NBEAL1: variants seen among roughly 807,000 people sequenced by gnomAD.
NBEAL1 encodes the protein neurobeachin like 1.
NBEAL1 carries 273 observed loss-of-function variants against 351.3 expected under a neutral mutation model. That is an observed-to-expected ratio of 0.78 (90% confidence interval 0.70 to 0.86). The LOEUF (loss-of-function observed/expected upper bound fraction) is 0.86. Ranked by LOEUF, NBEAL1 falls within the 40% of genes least tolerant of loss-of-function variation. The pLI is 0.00. For missense variants in NBEAL1, 2,961 were observed against 3,201.3 expected, an observed-to-expected ratio of 0.92 and a Z score of 1.81; for synonymous variants, 1,050 against 1,086.4, an observed-to-expected ratio of 0.97 and a Z score of 0.66.
rs989024010 is a variant in NBEAL1, at chr2:203,136,456, C to T, written c.4390-143C>T. ...CTAATGTCTTACTCATCTTATGTCT[C>T]TAGGGCCTAGTAAAGTTCCAGGTTC... On this transcript the variant is annotated intron_variant, in intron 28 of 55. Coordinates refer to ENST00000683969, the MANE Select transcript of NBEAL1 (RefSeq NM_001378026.1). The T allele has an allele frequency of 1.3e-5, 10 of 750,628 alleles. No homozygotes were observed. The African/African-American group carries it at 1.8e-4, about 13-fold the overall frequency. 46.5% of individuals were successfully genotyped at this position (750,628 alleles called of 1,614,324 possible).
At chr2:203,115,254 G>A (rs2062665085) in intron 17 of NBEAL1, among the ~76,000 whole-genome samples, 1 of 151,088 alleles carries the variant, frequency 6.6e-6, no homozygotes, top group Admixed American at 6.6e-5. Flanking sequence ...CCGAGTAGCT[G>A]GGATTACAGG....
intron 10 of NBEAL1, among the ~76,000 whole-genome samples, chr2:203,091,381 T>C (rs1472958414): frequency 6.6e-6 from 1 of 152,242 alleles, no homozygotes; most frequent in Non-Finnish European, 1.5e-5. Flanking sequence ...TATTCATCCA[T>C]CAGTGGACAT....
intron 3 of NBEAL1, among the ~76,000 whole-genome samples, chr2:203,042,542 G>C: frequency 6.6e-6 from 1 of 151,444 alleles, no homozygotes; most frequent in Non-Finnish European, 1.5e-5. Context: ...AAGTATAAGT[G>C]GTGGTGAGGC....
intron 31 of NBEAL1, among the ~76,000 whole-genome samples, chr2:203,141,399 C>A (rs1458509942): frequency 8.2e-3 from 22 of 2,684 alleles, no homozygotes; most frequent in African/African-American, 0.014. Flanking sequence ...TTTTTTTTTT[C>A]AGATGGAGTC....
At chr2:203,207,175 C>A (rs1044100334) in intron 51 of NBEAL1, among the ~76,000 whole-genome samples, 5 of 151,370 alleles carry the variant, frequency 3.3e-5, no homozygotes, top group African/African-American at 7.3e-5. Flanking sequence ...AGGAGCCCCT[C>A]CGCCCGGCAG....
intron 44 of NBEAL1, among the ~76,000 whole-genome samples, chr2:203,183,971 A>G (rs923853670): frequency 4.6e-5 from 7 of 151,638 alleles, no homozygotes; most frequent in Non-Finnish European, 1.0e-4. Flanking sequence ...TCAGCTACTC[A>G]GGAGGCTGAG....
At position 203,190,135 on chromosome 2, in the gene NBEAL1, CAA is replaced by C. The variant is rs879218352; in HGVS notation, c.6824-143_6824-142del. On this transcript the variant is annotated intron_variant, in intron 45 of 55. Coordinates refer to ENST00000683969, the MANE Select transcript of NBEAL1 (RefSeq NM_001378026.1). ...TGGGCAACAGAGCAAGACTCTGTCT[CAA>C]AAAAAAAAAAAAAGATGTGTGTACA... 7.0e-5 allele frequency among the ~76,000 whole-genome samples: 8 copies of C among 114,890 alleles called. 1 individual carries two copies. Among genetic ancestry groups the C allele is most frequent in the Admixed American group, 9.4e-5 (1 of 10,612 alleles). 75.4% of individuals were successfully genotyped at this position (114,890 alleles called of 152,430 possible).
At chr2:203,154,759 C>T (rs1165590623) in intron 35 of NBEAL1, among the ~76,000 whole-genome samples, 2 of 151,752 alleles carry the variant, frequency 1.3e-5, no homozygotes, top group South Asian at 2.1e-4. Context: ...GTAGTATGGG[C>T]AACATAGTGA....
chr2:203,119,300 G>A (rs1222058303), intron 18 of NBEAL1, among the ~76,000 whole-genome samples: 3 of 150,468 alleles, frequency 2.0e-5, no homozygotes, highest in Non-Finnish European at 4.4e-5. Context: ...TTGATTTTTT[G>A]TAGAGACAAG....
At chr2:203,179,675 T>G (rs2064639983) in intron 42 of NBEAL1, among the ~76,000 whole-genome samples, 1 of 152,220 alleles carries the variant, frequency 6.6e-6, no homozygotes, top group Admixed American at 6.5e-5. Context: ...CCTATAGATC[T>G]ATTAACCAAG....
intron 6 of NBEAL1, among the ~76,000 whole-genome samples, chr2:203,067,748 A>G (rs2061618087): frequency 6.6e-6 from 1 of 152,216 alleles, no homozygotes; most frequent in Non-Finnish European, 1.5e-5. Context: ...GTATCATCAT[A>G]ACACTACTCT....
intron 41 of NBEAL1, among the ~76,000 whole-genome samples, chr2:203,174,878 T>C (rs2064446078): frequency 6.6e-6 from 1 of 150,852 alleles, no homozygotes; most frequent in Admixed American, 6.6e-5. Context: ...AATAAATAAA[T>C]AAATAAATAA....
rs762846352 is a variant in NBEAL1 at position 203,136,157 on chromosome 2, T to C, written c.4294T>C (p.Ser1432Pro). 7 of 1,613,840 alleles carry C rather than the reference T, an allele frequency of 4.3e-6. No homozygotes were observed. The highest frequency in any genetic ancestry group is 1.1e-5 in the South Asian group (1 of 91,008). ...GCCTAGCACACCATCCCCAGTAGAG[T>C]CTACTAAATCGTTTTCTGTGCACTC... ...SLPSTPSPVE[S>P]TKSFSVHSDR... Residue 1432 changes from serine (S) to proline (P), a missense_variant, in exon 28 of 56, where the codon TCT (serine) becomes CCT (proline). Ser to Pro is a moderately conservative substitution (Grantham distance 74, BLOSUM62 -1). Coordinates refer to ENST00000683969, the MANE Select transcript of NBEAL1 (RefSeq NM_001378026.1).
rs934319719 is a variant in NBEAL1 at position 203,200,228 on chromosome 2, A to G, written c.7238+781A>G. Among the ~76,000 whole-genome samples, 7 of 152,130 alleles carry G rather than the reference A, an allele frequency of 4.6e-5. No homozygotes were observed. The East Asian group carries it at 1.4e-3, about 29-fold the overall frequency. ...CCCCGTCTCTACTAAAAATACAAAA[A>G]TTGGCCGGGTGTGGTGGCTCACACC... On this transcript the variant is annotated intron_variant, in intron 49 of 55. Coordinates refer to ENST00000683969, the MANE Select transcript of NBEAL1 (RefSeq NM_001378026.1).
In NBEAL1 at chr2:203,068,317, T is replaced by G; in HGVS notation, c.516-76T>G. 9.1e-6 allele frequency: 6 copies of G among 657,090 alleles called. No individual in the cohort carries two copies. In the South Asian group the frequency reaches 1.5e-4, roughly 17 times the overall value. The allele number at this position is 657,090 out of a possible 1,614,324, so 40.7% of individuals were successfully genotyped here. A position where few individuals can be genotyped will look rare whatever the true frequency, so the allele number is the denominator to read the frequency against. On this transcript the variant is annotated intron_variant, in intron 6 of 55. Transcript: ENST00000683969. ...AATCAAAAGTAATATTAAATTTGTTTTATAATTGTTTTTGTAATTGTGCCG... is the reference window on the plus strand; with the variant it reads ...AATCAAAAGTAATATTAAATTTGTTGTATAATTGTTTTTGTAATTGTGCCG...
chr2:203,037,148 A>G (rs1449673605), intron 2 of NBEAL1, among the ~76,000 whole-genome samples: 3 of 149,522 alleles, frequency 2.0e-5, no homozygotes, highest in Non-Finnish European at 4.5e-5. Flanking sequence ...GTATATTAAT[A>G]GAAAAAGCAA....
At chr2:203,145,401 T>C (rs1214074600) in intron 33 of NBEAL1, among the ~76,000 whole-genome samples, 1 of 152,188 alleles carries the variant, frequency 6.6e-6, no homozygotes, top group Admixed American at 6.5e-5. Flanking sequence ...TAGATCCCTC[T>C]AAGGAGGCTG....
At position 203,084,493 on chromosome 2, in the gene NBEAL1, A is replaced by G. The variant is rs1158689148; in HGVS notation, c.1022A>G (p.Asp341Gly). The G allele has an allele frequency of 6.5e-7, 1 of 1,540,296 alleles. No individual in the cohort carries two copies. Among genetic ancestry groups the G allele is most frequent in the East Asian group, 2.4e-5 (1 of 40,998 alleles). ...ATCACAGCCATGTTAGATTGTACAGATAGACCTGTTCTTCAGGCCATTTTT... is the reference window on the plus strand; with the variant it reads ...ATCACAGCCATGTTAGATTGTACAGGTAGACCTGTTCTTCAGGCCATTTTT... ...NTITAMLDCT[D>G]RPVLQAIFLN... is the part of the protein sequence containing the mutation. The change falls in exon 10 of 56, where the codon GAT becomes GGT. Residue 341 changes from aspartate (D) to glycine (G), a missense_variant. Coordinates refer to ENST00000683969, the MANE Select transcript of NBEAL1 (RefSeq NM_001378026.1).
chr2:203,203,171 T>A (rs1351444572), intron 51 of NBEAL1, among the ~76,000 whole-genome samples: 1 of 152,060 alleles, frequency 6.6e-6, no homozygotes, highest in Non-Finnish European at 1.5e-5. Flanking sequence ...TTGAATAGCT[T>A]CTGTTTTCTT....
Sources: allele counts gnomAD v4.1 joint callset (sites outside exome capture counted in the v4.1 genomes callset), GRCh38; gene constraint gnomAD v4.1.1; transcripts MANE v1.5; gene names NCBI Gene and HGNC (gene_info 2026-07-23, HGNC 2026-07-21).